The following SHF variants were observed in gnomAD, a reference collection of about 807,000 sequenced individuals.
SHF encodes the protein SH2 domain-containing adapter protein F.
A neutral mutation model predicts 42.4 loss-of-function variants in SHF; 30 were observed. The ratio of observed to expected loss-of-function variants is 0.71; its 90% CI spans 0.53 to 0.96. The LOEUF is 0.96. Among genes scored for constraint, SHF ranks in the 40% least tolerant of loss-of-function variants. The pLI, the probability that SHF is intolerant of heterozygous loss-of-function variation, is 0.00. For synonymous variants in SHF, 264 were observed against 269.9 expected (o/e 0.98, Z 0.21); for missense variants, 598 against 634.0 (o/e 0.94, Z 0.61).
chr15:45,200,506 C>G (rs573526576), intron 1 of SHF: 7 of 354,174 alleles, frequency 2.0e-5, no homozygotes, highest in South Asian at 1.3e-4. Flanking sequence ...GACACAGGAC[C>G]TCGGCTTGTC....
rs567689527 is a variant in SHF at position 45,185,353 on chromosome 15, C to T, written c.498+2101G>A. Among the ~76,000 whole-genome samples, 81 of 152,362 alleles carry T rather than the reference C, an allele frequency of 5.3e-4. 2 individuals carry two copies. The South Asian group carries it at 0.017, about 31-fold the overall frequency. On this transcript the variant is annotated intron_variant, in intron 1 of 6. Coordinates refer to ENST00000690270, the MANE Select transcript of SHF (RefSeq NM_001394037.1). ...TGCGCCAGCTCACATCCAGGAGCAG[C>T]ATCTCTTAGGTTTAGGGTAAGGGAC...
chr15:45,188,410 C>T (rs1898589137), upstream of SHF, among the ~76,000 whole-genome samples: 1 of 152,284 alleles, frequency 6.6e-6, no homozygotes, highest in East Asian at 1.9e-4. Flanking sequence ...AAAATCTAGG[C>T]GGGCAAGAAA....
At chr15:45,173,810 A>C (rs1490674353) in intron 3 of SHF, 94 bp from the exon 4 acceptor site, 16 of 1,374,808 alleles carry the variant, frequency 1.2e-5, no homozygotes, top group Non-Finnish European at 1.5e-5. Context: ...GCCAGGACAC[A>C]GGACAGCCTA....
chr15:45,178,531 TTTC>T (rs1275629184), intron 1 of SHF, among the ~76,000 whole-genome samples: 7 of 118,630 alleles, frequency 5.9e-5, no homozygotes, highest in Admixed American at 8.5e-5. Context: ...TCTTTCCTTC[TTTC>T]TTTTTTTTTT....
chr15:45,181,830 G>A (rs886988857), intron 1 of SHF, among the ~76,000 whole-genome samples: 1 of 152,162 alleles, frequency 6.6e-6, no homozygotes, highest in African/African-American at 2.4e-5. Flanking sequence ...TGAAATTAAA[G>A]ACTTTCAAAA....
intron 1 of SHF, among the ~76,000 whole-genome samples, chr15:45,185,772 T>G (rs1386722684): frequency 6.6e-6 from 1 of 152,220 alleles, no homozygotes; most frequent in Non-Finnish European, 1.5e-5. Context: ...CTTGGGGGTG[T>G]CTGGGAAAAT....
intron 1 of SHF, chr15:45,199,226 C>G: frequency 1.2e-6 from 1 of 848,364 alleles, no homozygotes; most frequent in Non-Finnish European, 1.7e-6. Context: ...GCCCTGACTC[C>G]TCCTGACTCC....
At chr15:45,198,700 G>A (rs545098953) in intron 2 of SHF, 22 of 1,531,054 alleles carry the variant, frequency 1.4e-5, no homozygotes, top group African/African-American at 8.2e-5. Context: ...ACCCGTAGGG[G>A]TTGGCTTCTG....
chr15:45,175,745 C>T (rs1043788367), intron 2 of SHF, among the ~76,000 whole-genome samples: 1 of 152,174 alleles, frequency 6.6e-6, no homozygotes, highest in African/African-American at 2.4e-5. Context: ...CCGTTGTCCA[C>T]TTCCTCCCTG....
chr15:45,191,250 G>A (rs778801976), upstream of SHF, among the ~76,000 whole-genome samples: 8 of 152,234 alleles, frequency 5.3e-5, no homozygotes, highest in Non-Finnish European at 7.4e-5. Context: ...GCCTCAGTAC[G>A]TTGCTCAGAC....
intron 1 of SHF, among the ~76,000 whole-genome samples, chr15:45,183,984 C>G (rs1260639588): frequency 2.0e-5 from 3 of 152,226 alleles, no homozygotes; most frequent in African/African-American, 7.2e-5. Context: ...CCTCCCTTCC[C>G]CAGACTCTCC....
chr15:45,200,596 C>T (rs1044802298), intron 1 of SHF: 12 of 393,656 alleles, frequency 3.0e-5, no homozygotes, highest in African/African-American at 2.3e-4. Flanking sequence ...CCTATCTCCA[C>T]CCTCGCAGCC....
At chr15:45,199,224 T>C (rs1217278141) in intron 1 of SHF, 10 of 842,944 alleles carry the variant, frequency 1.2e-5, no homozygotes, top group South Asian at 4.2e-5. Flanking sequence ...CAGCCCTGAC[T>C]CCTCCTGACT....
chr15:45,184,410 G>A (rs1243708888), intron 1 of SHF, among the ~76,000 whole-genome samples: 4 of 152,130 alleles, frequency 2.6e-5, no homozygotes, highest in African/African-American at 9.7e-5. Flanking sequence ...GAGAATCTAA[G>A]AGCTATACCT....
rs1478908284 is a variant in SHF at position 45,172,255 on chromosome 15, G to C, written c.1052C>G (p.Pro351Arg). ...GGGGTTCCCTGCAGAGAGTCGGGGAGGTAGCCGCCCCTTCTCCTCCCGGCC... is the reference window on the plus strand; with the variant it reads ...GGGGTTCCCTGCAGAGAGTCGGGGACGTAGCCGCCCCTTCTCCTCCCGGCC... The part of the protein sequence containing the change: ...SPGREEKGRL[P>R]PRLSAGNPKS... The change falls in exon 5 of 7, where the codon CCT becomes CGT. Residue 351 changes from proline (P) to arginine (R), a missense_variant. This residue lies in a region of SHF where 439 missense variants were observed against 524.6 expected (regional missense o/e 0.84). Coordinates refer to ENST00000690270, the MANE Select transcript of SHF (RefSeq NM_001394037.1). 1 of 1,613,522 alleles carries C rather than the reference G, an allele frequency of 6.2e-7. No homozygotes were observed. The highest frequency in any genetic ancestry group is 1.1e-5 in the South Asian group (1 of 91,048).
intron 2 of SHF, among the ~76,000 whole-genome samples, chr15:45,198,115 C>CAA (rs113923205): frequency 6.6e-6 from 1 of 150,732 alleles, no homozygotes; most frequent in African/African-American, 2.4e-5. Context: ...AAAAAACAAA[C>CAA]AAAAAAAAAT....
In SHF at chr15:45,172,142, C is replaced by G. The variant is rs753592225; in HGVS notation, c.1160+5G>C. On this transcript the variant is annotated splice_donor_5th_base_variant and intron_variant, in intron 5 of 6. Coordinates refer to ENST00000690270, the MANE Select transcript of SHF (RefSeq NM_001394037.1). ...GGGAGTCCCCAGCTGGACACAGACACTCACACCTGGTTTTCCAGAGGCAGT... is the reference window on the plus strand; with the variant it reads ...GGGAGTCCCCAGCTGGACACAGACAGTCACACCTGGTTTTCCAGAGGCAGT... 1 of 1,613,902 alleles carries G rather than the reference C, an allele frequency of 6.2e-7. No homozygotes were observed. The highest frequency in any genetic ancestry group is 1.7e-5 in the Admixed American group (1 of 60,020).
At chr15:45,192,195 C>A (rs1648500379), upstream of SHF, among the ~76,000 whole-genome samples, 1 of 151,626 alleles carries the variant, frequency 6.6e-6, no homozygotes, top group African/African-American at 2.4e-5. Flanking sequence ...GTCTGTCATA[C>A]AATCCTTATT....
chr15:45,192,659 C>T (rs1898743788), upstream of SHF, among the ~76,000 whole-genome samples: 3 of 152,156 alleles, frequency 2.0e-5, no homozygotes, highest in African/African-American at 4.8e-5. Flanking sequence ...GTGTGAGCCA[C>T]CGCGCCTGGC....
Sources: allele counts gnomAD v4.1 joint callset (sites outside exome capture counted in the v4.1 genomes callset), GRCh38; gene constraint gnomAD v4.1.1; regional missense constraint gnomAD v4.1.1; transcripts MANE v1.5; gene names NCBI Gene and HGNC (gene_info 2026-07-23, HGNC 2026-07-21).